RALYL: variants seen among roughly 807,000 people sequenced by gnomAD.
RALYL encodes RNA-binding Raly-like protein.
RALYL carries 29 observed loss-of-function variants against 35.1 expected under a neutral mutation model. The observed-to-expected ratio is 0.83, with a 90% CI of 0.61 to 1.13. RALYL has a LOEUF of 1.13. Ranked by LOEUF, RALYL falls within the 50% of genes most tolerant of loss-of-function variation. The pLI, the probability that RALYL is intolerant of heterozygous loss-of-function variation, is 0.00. For missense variants in RALYL, 359 were observed against 360.4 expected, an observed-to-expected ratio of 1.00 and a Z score of 0.03; for synonymous variants, 120 against 127.6, an observed-to-expected ratio of 0.94 and a Z score of 0.40.
intron 2 of RALYL, among the ~76,000 whole-genome samples, chr8:84,764,274 T>C (rs2133405650): frequency 6.6e-6 from 1 of 152,290 alleles, no homozygotes; most frequent in South Asian, 2.1e-4. Flanking sequence ...TGTGATATCC[T>C]TGAGCATACA....
chr8:84,669,476 T>TCC (rs1303807313), intron 2 of RALYL, among the ~76,000 whole-genome samples: 10 of 10,664 alleles, frequency 9.4e-4, no homozygotes, highest in Admixed American at 1.1e-3. Flanking sequence ...CCACATCTTC[T>TCC]CCCTCCCCCC....
chr8:84,873,345 C>G lies in RALYL; in HGVS notation c.633C>G (p.Asp211Glu), dbSNP rs1345534201. 2.5e-6 allele frequency: 4 copies of G among 1,602,702 alleles called. No individual in the cohort carries two copies. Among genetic ancestry groups the G allele is most frequent in the Admixed American group, 1.7e-5 (1 of 58,472 alleles). The change falls in exon 7 of 9, where the codon GAC becomes GAG. Residue 211 changes from aspartate (D) to glutamate (E), a missense_variant. Transcript: ENST00000521268. ...TAACCCAGATCAAAACTAAAATTGA[C>G]TCCTTGCTAGGGCGCCTGGAGAAGA... is the stretch of plus-strand genomic sequence containing the variant. ...KELTQIKTKI[D>E]SLLGRLEKIE...
At chr8:84,918,414 T>C (rs1848806610) in intron 8 of RALYL, among the ~76,000 whole-genome samples, 1 of 152,028 alleles carries the variant, frequency 6.6e-6, no homozygotes, top group Non-Finnish European at 1.5e-5. Context: ...TCCAGTCCCA[T>C]CCGAGTAGAT....
At chr8:84,487,707 G>T (rs1256103197) in intron 1 of RALYL, among the ~76,000 whole-genome samples, 1 of 152,074 alleles carries the variant, frequency 6.6e-6, no homozygotes, top group Non-Finnish European at 1.5e-5. Flanking sequence ...AAAATGGACT[G>T]CAAAGCCTAG....
At chr8:84,661,318 A>G (rs1830865049) in intron 2 of RALYL, among the ~76,000 whole-genome samples, 2 of 152,148 alleles carry the variant, frequency 1.3e-5, no homozygotes, top group African/African-American at 4.8e-5. Flanking sequence ...TATGAGTCAA[A>G]GTCACCCACT....
chr8:84,277,054 T>G (rs2132026754), intron 1 of RALYL, among the ~76,000 whole-genome samples: 1 of 152,344 alleles, frequency 6.6e-6, no homozygotes, highest in Admixed American at 6.5e-5. Flanking sequence ...TTTTTATATC[T>G]CTACTGTGTC....
intron 2 of RALYL, among the ~76,000 whole-genome samples, chr8:84,744,102 G>A (rs894673345): frequency 1.3e-5 from 2 of 151,970 alleles, no homozygotes; most frequent in African/African-American, 4.8e-5. Context: ...TTTGTGTTAT[G>A]TATTTGGCAA....
chr8:84,835,016 T>C lies in RALYL; in HGVS notation c.366-14964T>C, dbSNP rs561774304. ...TGAGACCTGAACATTAATGACTACA[T>C]TGAACAGTTAAAACAAAGAGATGGA... is the stretch of plus-strand genomic sequence containing the variant. On this transcript the variant is annotated intron_variant, in intron 4 of 8. Transcript: ENST00000521268. Among the ~76,000 whole-genome samples, 11 of 152,280 alleles carry C rather than the reference T, an allele frequency of 7.2e-5. No homozygotes were observed. The East Asian group carries it at 7.7e-4, about 11-fold the overall frequency.
At chr8:84,250,457 C>T (rs567163634) in intron 1 of RALYL, among the ~76,000 whole-genome samples, 1 of 152,052 alleles carries the variant, frequency 6.6e-6, no homozygotes, top group Admixed American at 6.6e-5. Flanking sequence ...CCTCTGCCTC[C>T]TGGGTTCAAG....
chr8:84,326,043 C>T (rs556332968), intron 1 of RALYL, among the ~76,000 whole-genome samples: 54 of 152,158 alleles, frequency 3.5e-4, no homozygotes, highest in African/African-American at 9.6e-4. Flanking sequence ...ACCTGGGAGG[C>T]GGAGGTTGCA....
chr8:84,186,531 C>G (rs1034230224), intron 1 of RALYL, among the ~76,000 whole-genome samples: 1 of 152,108 alleles, frequency 6.6e-6, no homozygotes, highest in Non-Finnish European at 1.5e-5. Context: ...ATGATCGAAC[C>G]TGCATTTTCA....
At chr8:84,438,810 G>C (rs920211830) in intron 1 of RALYL, among the ~76,000 whole-genome samples, 3 of 152,124 alleles carry the variant, frequency 2.0e-5, no homozygotes, top group African/African-American at 7.2e-5. Flanking sequence ...TAGCTAGCCT[G>C]CTATTCCAGC....
At chr8:84,652,561 A>C (rs1016904885) in intron 2 of RALYL, among the ~76,000 whole-genome samples, 1 of 152,092 alleles carries the variant, frequency 6.6e-6, no homozygotes. Context: ...TCCCATTTTT[A>C]AAATGGCTCT....
chr8:84,400,088 C>T (rs778050181), intron 1 of RALYL, among the ~76,000 whole-genome samples: 23 of 151,760 alleles, frequency 1.5e-4, no homozygotes, highest in Non-Finnish European at 2.4e-4. Flanking sequence ...TGCACTTCAG[C>T]ATGGGTGACA....
At chr8:84,785,046 G>A (rs1194586224) in intron 3 of RALYL, among the ~76,000 whole-genome samples, 2 of 152,034 alleles carry the variant, frequency 1.3e-5, no homozygotes, top group African/African-American at 2.4e-5. Context: ...AAAGACAAGG[G>A]GCTTGTTTGA....
At chr8:84,408,044 A>G (rs1463923840) in intron 1 of RALYL, among the ~76,000 whole-genome samples, 1 of 152,134 alleles carries the variant, frequency 6.6e-6, no homozygotes, top group Non-Finnish European at 1.5e-5. Flanking sequence ...TAAACCAAGA[A>G]TAAGAACGCT....
At chr8:84,388,728 G>C (rs180681434) in intron 1 of RALYL, among the ~76,000 whole-genome samples, 1 of 151,984 alleles carries the variant, frequency 6.6e-6, no homozygotes, top group East Asian at 1.9e-4. Flanking sequence ...GTTCATTGTA[G>C]ATTCTGGATA....
chr8:84,340,366 G>A (rs1009355700), intron 1 of RALYL, among the ~76,000 whole-genome samples: 6 of 152,144 alleles, frequency 3.9e-5, no homozygotes, highest in Admixed American at 1.3e-4. Context: ...GTACAGTGTT[G>A]TACAGCAGAT....
chr8:84,731,850 C>T (rs1041509202), intron 2 of RALYL, among the ~76,000 whole-genome samples: 3 of 152,128 alleles, frequency 2.0e-5, no homozygotes, highest in African/African-American at 7.2e-5. Context: ...GCAGTGCCAA[C>T]CTCTGTATCT....
Sources: gnomAD v4.1 joint callset for allele counts (sites outside exome capture counted in the v4.1 genomes callset) on GRCh38, gnomAD v4.1.1 for gene constraint, MANE v1.5 for transcripts, NCBI Gene and HGNC (gene_info 2026-07-23, HGNC 2026-07-21) for gene names.